HOMER2: variants seen among roughly 807,000 people sequenced by gnomAD.
HOMER2 encodes the protein homer protein homolog 2.
Under a neutral mutation model 47.0 loss-of-function variants are expected in HOMER2, and 27 were observed. The observed-to-expected ratio is 0.57, with a 90% CI of 0.42 to 0.79. HOMER2 has a LOEUF of 0.79. Among genes scored for constraint, HOMER2 ranks in the 30% least tolerant of loss-of-function variants. The probability of loss-of-function intolerance (pLI) is 0.00; values close to 1 mark genes in which losing one functional copy is unlikely to be tolerated. For synonymous variants in HOMER2, 161 were observed against 163.8 expected (o/e 0.98, Z 0.13); for missense variants, 443 against 435.0 (o/e 1.02, Z -0.16).
intron 1 of HOMER2, among the ~76,000 whole-genome samples, chr15:82,968,059 T>A (rs2054691785): frequency 6.6e-6 from 1 of 152,166 alleles, no homozygotes; most frequent in African/African-American, 2.4e-5. Context: ...TTTTAATCAT[T>A]TTTAAATTTT....
intron 2 of HOMER2, among the ~76,000 whole-genome samples, chr15:82,890,601 T>C (rs186257886): frequency 2.6e-5 from 4 of 152,164 alleles, no homozygotes; most frequent in Non-Finnish European, 5.9e-5. Context: ...CCCACCACAT[T>C]GTCACAGCCT....
intron 4 of HOMER2, among the ~76,000 whole-genome samples, chr15:82,861,238 C>T (rs1220720652): frequency 6.6e-6 from 1 of 152,096 alleles, no homozygotes; most frequent in African/African-American, 2.4e-5. Flanking sequence ...GCAGAAACCA[C>T]CAAATGCACA....
chr15:82,856,769 A>AG (rs2051601666), intron 5 of HOMER2, among the ~76,000 whole-genome samples: 1 of 152,182 alleles, frequency 6.6e-6, no homozygotes, highest in South Asian at 2.1e-4. Flanking sequence ...TGCTTTCTGG[A>AG]ATTCCTAGGT....
chr15:82,841,579 A>T (rs992069607), exon 2 of HOMER2: 3 of 152,210 alleles, frequency 2.0e-5, no homozygotes, highest in African/African-American at 7.2e-5. Flanking sequence ...ACAATTATGT[A>T]AATGTTTTTT....
rs567803881 is a variant in HOMER2, at chr15:82,884,642, T to C, written c.162+8043A>G. Among the ~76,000 whole-genome samples the C allele has an allele frequency of 7.0e-5, 5 of 71,316 alleles. 2 individuals are homozygous for C. The Admixed American group carries it at 7.6e-4, about 11-fold the overall frequency. The allele number at this position is 71,316 out of a possible 152,430, so 46.8% of individuals were successfully genotyped here. On this transcript the variant is annotated intron_variant, in intron 2 of 8. Transcript: ENST00000450735. ...TTGTAAGTTGGATTCCTAGGTATTT[T>C]ATTCTCTTTGAAGCAATTGTGAATG...
At chr15:82,934,800 C>G (rs936381155) in intron 1 of HOMER2, among the ~76,000 whole-genome samples, 6 of 152,256 alleles carry the variant, frequency 3.9e-5, no homozygotes, top group African/African-American at 1.2e-4. Context: ...AACTGTCACT[C>G]TGCAGTGGCC....
chr15:82,934,909 C>T (rs899191858), intron 1 of HOMER2, among the ~76,000 whole-genome samples: 24 of 152,342 alleles, frequency 1.6e-4, no homozygotes, highest in Middle Eastern at 6.8e-3. Flanking sequence ...CCCCCACTCA[C>T]GCTCTCTGCT....
chr15:82,875,429 G>A (rs1446358128), intron 2 of HOMER2, 25 bp from the exon 3 acceptor site: 3 of 1,612,252 alleles, frequency 1.9e-6, no homozygotes, highest in African/African-American at 1.3e-5. Context: ...CCCAAAGAGT[G>A]AAAATTTAAA....
intron 1 of HOMER2, among the ~76,000 whole-genome samples, chr15:82,933,299 T>C (rs1337622836): frequency 1.3e-5 from 2 of 152,092 alleles, no homozygotes; most frequent in African/African-American, 4.8e-5. Flanking sequence ...CAATCATGGC[T>C]CACTGCAGCC....
At position 82,913,650 on chromosome 15, in the gene HOMER2, C is replaced by T. The variant is rs117637851; in HGVS notation, c.6-20809G>A. 1.8e-3 allele frequency among the ~76,000 whole-genome samples: 271 copies of T among 152,332 alleles called. No individual in the cohort carries two copies. The highest frequency in any genetic ancestry group is 5.5e-3 in the Admixed American group (84 of 15,310). On this transcript the variant is annotated intron_variant, in intron 1 of 8. Transcript: ENST00000450735. The surrounding 1 kb of genome is among the most constrained non-coding windows in gnomAD (Gnocchi z 4.1). ...TATTGACGGTAGACAGCAGATCACA[C>T]AGTCAAGCTTTGCATGCCTTAGGAA... is the stretch of plus-strand genomic sequence containing the variant.
chr15:82,848,319 T>C (rs780834412), downstream of HOMER2, among the ~76,000 whole-genome samples: 2 of 152,096 alleles, frequency 1.3e-5, no homozygotes, highest in Non-Finnish European at 2.9e-5. Flanking sequence ...GGAGTAGTCC[T>C]CTTAGGTGGT....
intron 1 of HOMER2, among the ~76,000 whole-genome samples, chr15:82,980,299 T>G (rs2030349407): frequency 1.3e-5 from 2 of 152,172 alleles, no homozygotes; most frequent in East Asian, 3.9e-4. Context: ...CAAGACAATA[T>G]TCCTGTCTCA....
Position 82,849,713 on chromosome 15 carries a change from C to A in HOMER2, c.*2G>T, listed in dbSNP as rs368315318. 10 of 1,612,104 alleles carry A rather than the reference C, an allele frequency of 6.2e-6. No individual in the cohort carries two copies. Among genetic ancestry groups the A allele is most frequent in the Admixed American group, 1.7e-5 (1 of 59,752 alleles). ...CGGGCGGGGCCTGGGCCTCGGCCAG[C>A]CCTAGTTATCGGTGCCCAGCTTGGA... is the stretch of plus-strand genomic sequence containing the variant. On this transcript the variant is annotated 3_prime_UTR_variant, in exon 9 of 9. Coordinates refer to ENST00000450735, the MANE Select transcript of HOMER2 (RefSeq NM_004839.4).
At chr15:82,938,992 T>C (rs971607652) in intron 1 of HOMER2, among the ~76,000 whole-genome samples, 4 of 152,206 alleles carry the variant, frequency 2.6e-5, no homozygotes, top group Admixed American at 1.3e-4. Context: ...TGGCCAGAGT[T>C]CCATCTTTAT....
chr15:82,843,733 T>TC (rs1419276410), exon 2 of HOMER2: 1 of 152,048 alleles, frequency 6.6e-6, no homozygotes, highest in Non-Finnish European at 1.5e-5. Context: ...CCAGGGTAAC[T>TC]CCAGTGTTAA....
intron 3 of HOMER2, among the ~76,000 whole-genome samples, chr15:82,873,270 G>A (rs555151380): frequency 2.0e-5 from 3 of 152,338 alleles, no homozygotes; most frequent in East Asian, 1.9e-4. Flanking sequence ...TATTCCAGGG[G>A]AAGAGTGATT....
At chr15:82,873,949 G>C (rs190584218) in intron 3 of HOMER2, among the ~76,000 whole-genome samples, 1 of 152,346 alleles carries the variant, frequency 6.6e-6, no homozygotes, top group East Asian at 1.9e-4. Flanking sequence ...GACAAAGGAA[G>C]GGGACCAGTT....
chr15:82,845,331 C>T (rs747807501), downstream of HOMER2: 1 of 143,488 alleles, frequency 7.0e-6, no homozygotes, highest in Non-Finnish European at 1.5e-5. Context: ...ACCAAAGCCA[C>T]CTTCCTGCCT....
intron 1 of HOMER2, among the ~76,000 whole-genome samples, chr15:82,905,150 A>G (rs1172083061): frequency 6.6e-6 from 1 of 152,186 alleles, no homozygotes; most frequent in East Asian, 1.9e-4. Flanking sequence ...TGATGCGTTC[A>G]TTAGTAGACA....
Sources: allele counts gnomAD v4.1 joint callset (sites outside exome capture counted in the v4.1 genomes callset), GRCh38; gene constraint gnomAD v4.1.1; non-coding constraint Gnocchi (gnomAD v3.1); transcripts MANE v1.5; gene names NCBI Gene and HGNC (gene_info 2026-07-23, HGNC 2026-07-21).